Variants in THSD7B observed in about 807,000 individuals in gnomAD.
The protein encoded by THSD7B is thrombospondin type-1 domain-containing protein 7B.
THSD7B carries 138 observed loss-of-function variants against 213.6 expected under a neutral mutation model. The ratio of observed to expected loss-of-function variants is 0.65; its 90% CI spans 0.56 to 0.74. The LOEUF (loss-of-function observed/expected upper bound fraction) is 0.74, where lower values mean the gene tolerates loss of function less well. Among genes scored for constraint, THSD7B ranks in the 30% least tolerant of loss-of-function variants. THSD7B has a pLI of 0.00. For missense variants in THSD7B, 1,931 were observed against 1,991.5 expected (o/e 0.97, Z 0.58); for synonymous variants, 742 against 687.0 (o/e 1.08, Z -1.25).
chr2:137,091,583 G>A (rs1242362855), intron 3 of THSD7B, among the ~76,000 whole-genome samples: 1 of 151,626 alleles, frequency 6.6e-6, no homozygotes, highest in Non-Finnish European at 1.5e-5. Context: ...ATCAAGGTGG[G>A]GGCAGCATTG....
intron 15 of THSD7B, among the ~76,000 whole-genome samples, chr2:137,493,711 A>C (rs1474343859): frequency 1.3e-5 from 2 of 152,222 alleles, no homozygotes; most frequent in Non-Finnish European, 2.9e-5. Flanking sequence ...GTCTTCTAAA[A>C]TGCAGATGAG....
intron 1 of THSD7B, among the ~76,000 whole-genome samples, chr2:136,766,673 G>A (rs375147346): frequency 1.6e-4 from 25 of 152,282 alleles, no homozygotes; most frequent in East Asian, 1.2e-3. Context: ...CTTTTGGAAT[G>A]TCTGAGCTCA....
At chr2:137,406,789 A>G (rs905302748) in intron 13 of THSD7B, among the ~76,000 whole-genome samples, 1 of 152,234 alleles carries the variant, frequency 6.6e-6, no homozygotes, top group African/African-American at 2.4e-5. Flanking sequence ...ACAGAACACC[A>G]AACAAGAAAT....
chr2:136,990,486 G>A (rs1412816576), intron 2 of THSD7B, among the ~76,000 whole-genome samples: 1 of 152,172 alleles, frequency 6.6e-6, no homozygotes, highest in Admixed American at 6.5e-5. Context: ...CTGTAGGGGG[G>A]GGACCATGCC....
At chr2:137,156,302 T>A (rs1200302983) in intron 5 of THSD7B, 1 of 152,164 alleles carries the variant, frequency 6.6e-6, no homozygotes, top group Admixed American at 6.5e-5. Flanking sequence ...TGATTCAGTG[T>A]CTAAATGAAG....
intron 1 of THSD7B, among the ~76,000 whole-genome samples, chr2:136,817,118 A>G (rs543941870): frequency 2.6e-5 from 4 of 152,338 alleles, no homozygotes; most frequent in African/African-American, 7.2e-5. Context: ...TAGCAGTAAC[A>G]TGCTGACCGG....
chr2:137,377,324 C>A (rs1035576996), intron 12 of THSD7B, among the ~76,000 whole-genome samples: 7 of 152,152 alleles, frequency 4.6e-5, no homozygotes, highest in Middle Eastern at 3.4e-3. Flanking sequence ...AATTTAAAAA[C>A]AAAATTTTGA....
At chr2:136,988,593 C>T (rs1685709509) in intron 2 of THSD7B, among the ~76,000 whole-genome samples, 1 of 152,198 alleles carries the variant, frequency 6.6e-6, no homozygotes, top group South Asian at 2.1e-4. Context: ...TGGCTGTAAG[C>T]TAGAGAACTT....
intron 18 of THSD7B, among the ~76,000 whole-genome samples, chr2:137,616,849 T>C (rs996941878): frequency 1.3e-5 from 2 of 152,212 alleles, no homozygotes; most frequent in Non-Finnish European, 2.9e-5. Context: ...ACCACAGTGC[T>C]CAGTGTCTAA....
At chr2:137,433,541 A>T (rs374228738) in intron 14 of THSD7B, among the ~76,000 whole-genome samples, 2 of 151,788 alleles carry the variant, frequency 1.3e-5, no homozygotes, top group East Asian at 3.9e-4. Flanking sequence ...TTTTGTAGAG[A>T]CAGGGTTTCT....
chr2:136,841,593 C>CAA (rs534991799), intron 1 of THSD7B, among the ~76,000 whole-genome samples: 43,875 of 92,904 alleles, frequency 0.47, 10,774 homozygotes, highest in Non-Finnish European at 0.58. Context: ...AAGACTCCAT[C>CAA]AAAAAAAAAA....
intron 1 of THSD7B, among the ~76,000 whole-genome samples, chr2:136,781,747 C>T (rs916071753): frequency 6.6e-6 from 1 of 152,122 alleles, no homozygotes; most frequent in Non-Finnish European, 1.5e-5. Context: ...CTCTGTCCTC[C>T]AGCTACTTCA....
At chr2:137,509,827 A>T (rs1679923238) in intron 15 of THSD7B, among the ~76,000 whole-genome samples, 1 of 152,168 alleles carries the variant, frequency 6.6e-6, no homozygotes, top group Non-Finnish European at 1.5e-5. Context: ...GATGTCTGTA[A>T]TTGTTATAGG....
At chr2:136,962,403 CTTTTTTT>C (rs71400559) in intron 2 of THSD7B, among the ~76,000 whole-genome samples, 16 of 100,164 alleles carry the variant, frequency 1.6e-4, no homozygotes, top group Admixed American at 2.5e-4. Flanking sequence ...AATCTGTTAT[CTTTTTTT>C]TTTTTTTTTT....
At chr2:137,172,734 C>T (rs560917591) in intron 7 of THSD7B, among the ~76,000 whole-genome samples, 2 of 152,130 alleles carry the variant, frequency 1.3e-5, no homozygotes, top group Admixed American at 6.6e-5. Context: ...GAAGCACAGG[C>T]GACAGTCTGG....
intron 5 of THSD7B, among the ~76,000 whole-genome samples, chr2:137,130,639 T>C (rs150851567): frequency 0.023 from 3,491 of 151,124 alleles, 141 homozygotes; most frequent in African/African-American, 0.08. Context: ...TTTGGTTTTT[T>C]GTCCTTGAGA....
intron 17 of THSD7B, among the ~76,000 whole-genome samples, chr2:137,603,044 G>A (rs1431485670): frequency 6.6e-6 from 1 of 152,158 alleles, no homozygotes; most frequent in Non-Finnish European, 1.5e-5. Context: ...CAGGCTTAGT[G>A]TAATTGGTGG....
At chr2:137,562,252 ATTAAC>A (rs1681134018) in intron 15 of THSD7B, among the ~76,000 whole-genome samples, 1 of 152,194 alleles carries the variant, frequency 6.6e-6, no homozygotes, top group Non-Finnish European at 1.5e-5. Flanking sequence ...AAAAGCATGA[ATTAAC>A]TACATTGGTG....
chr2:137,014,299 G>A (rs1041233481), intron 2 of THSD7B, among the ~76,000 whole-genome samples: 1 of 152,152 alleles, frequency 6.6e-6, no homozygotes, highest in African/African-American at 2.4e-5. Context: ...CATGGTTGTG[G>A]TTTTCATCAG....
Sources: gnomAD v4.1 joint callset for allele counts (sites outside exome capture counted in the v4.1 genomes callset) on GRCh38, gnomAD v4.1.1 for gene constraint, MANE v1.5 for transcripts, NCBI Gene and HGNC (gene_info 2026-07-23, HGNC 2026-07-21) for gene names.